The following CCDC171 variants were observed in gnomAD, a reference collection of about 807,000 sequenced individuals.
CCDC171 encodes the protein coiled-coil domain containing 171.
In CCDC171, 177 loss-of-function variants were observed where a neutral mutation model predicts 168.2. The ratio of observed to expected loss-of-function variants is 1.05; its 90% CI spans 0.93 to 1.19. The LOEUF is 1.19. Ranked by LOEUF, CCDC171 falls within the 50% of genes most tolerant of loss-of-function variation. The probability of loss-of-function intolerance (pLI) is 0.00; values close to 1 mark genes in which losing one functional copy is unlikely to be tolerated. For missense variants in CCDC171, 1,991 were observed against 1,539.0 expected (o/e 1.29, Z -4.91); for synonymous variants, 687 against 540.8 (o/e 1.27, Z -3.75).
chr9:15,811,503 G>A (rs990202081), intron 21 of CCDC171, among the ~76,000 whole-genome samples: 3 of 152,112 alleles, frequency 2.0e-5, no homozygotes, highest in Non-Finnish European at 4.4e-5. Context: ...AGACCTCTGA[G>A]ACTGTTGTGT....
chr9:16,051,471 G>C (rs892482436), intron 1 of CCDC171, among the ~76,000 whole-genome samples: 2 of 152,168 alleles, frequency 1.3e-5, no homozygotes, highest in African/African-American at 2.4e-5. Context: ...TGTTTTTAGA[G>C]AGCTGTCTCT....
At chr9:15,676,532 C>T (rs150530872) in intron 9 of CCDC171, among the ~76,000 whole-genome samples, 3 of 152,048 alleles carry the variant, frequency 2.0e-5, no homozygotes, top group African/African-American at 4.8e-5. Flanking sequence ...TGGAAGCGCT[C>T]GAGCTGGACA....
chr9:15,584,042 T>C (rs931247667), intron 4 of CCDC171, among the ~76,000 whole-genome samples: 2 of 152,122 alleles, frequency 1.3e-5, no homozygotes, highest in African/African-American at 4.8e-5. Flanking sequence ...AATTTTCTTG[T>C]ATTTTTAGTA....
chr9:16,003,060 G>A (rs929679770), intron 3 of CCDC171, among the ~76,000 whole-genome samples: 1 of 152,118 alleles, frequency 6.6e-6, no homozygotes, highest in Non-Finnish European at 1.5e-5. Flanking sequence ...ACTCTATAAT[G>A]TTCATACTGC....
intron 13 of CCDC171, among the ~76,000 whole-genome samples, chr9:15,724,430 A>G (rs2053671601): frequency 6.6e-6 from 1 of 152,188 alleles, no homozygotes; most frequent in South Asian, 2.1e-4. Flanking sequence ...CTTATGTTAA[A>G]TGTAAGATAT....
At chr9:15,716,762 G>A (rs1434384784) in intron 11 of CCDC171, among the ~76,000 whole-genome samples, 2 of 152,140 alleles carry the variant, frequency 1.3e-5, no homozygotes, top group African/African-American at 4.8e-5. Context: ...CTACTTCTAA[G>A]ATAATAAACC....
intron 21 of CCDC171, among the ~76,000 whole-genome samples, chr9:15,792,681 A>G (rs1050356938): frequency 1.3e-5 from 2 of 152,272 alleles, no homozygotes; most frequent in Admixed American, 1.3e-4. Context: ...ACATTCTTAA[A>G]GAAAATAATT....
At chr9:16,048,301 C>A (rs1322380152) in intron 1 of CCDC171, among the ~76,000 whole-genome samples, 1 of 152,164 alleles carries the variant, frequency 6.6e-6, no homozygotes, top group East Asian at 1.9e-4. Context: ...CTCTGCATGG[C>A]AGTAGGGCTG....
At chr9:16,045,301 G>T (rs936078434) in intron 1 of CCDC171, among the ~76,000 whole-genome samples, 1 of 152,156 alleles carries the variant, frequency 6.6e-6, no homozygotes, top group African/African-American at 2.4e-5. Flanking sequence ...CCTCGTCAAG[G>T]TGGTGGCCAC....
At chr9:15,666,014 T>C (rs954102644) in intron 8 of CCDC171, 149 bp from the exon 9 acceptor site, 3 of 627,594 alleles carry the variant, frequency 4.8e-6, no homozygotes, top group Non-Finnish European at 5.4e-6. Flanking sequence ...ATAAACTGTC[T>C]TTTATTTATT....
At chr9:15,657,660 A>G (rs1387101899) in intron 8 of CCDC171, among the ~76,000 whole-genome samples, 1 of 152,224 alleles carries the variant, frequency 6.6e-6, no homozygotes, top group Non-Finnish European at 1.5e-5. Context: ...CTGAAGGTGT[A>G]AAGATGAATG....
chr9:15,643,169 T>C (rs1409720517), intron 7 of CCDC171, among the ~76,000 whole-genome samples: 1 of 152,130 alleles, frequency 6.6e-6, no homozygotes, highest in Middle Eastern at 3.2e-3. Flanking sequence ...TTTGCTAGCT[T>C]TTAAAATCAT....
At chr9:15,959,012 C>T (rs1003812978) in intron 25 of CCDC171, among the ~76,000 whole-genome samples, 1 of 152,168 alleles carries the variant, frequency 6.6e-6, no homozygotes, top group Non-Finnish European at 1.5e-5. Context: ...GCCTTCTTCA[C>T]TCTCTGTGAG....
chr9:15,567,423 T>A (rs1197452775), intron 2 of CCDC171, among the ~76,000 whole-genome samples: 1 of 152,224 alleles, frequency 6.6e-6, no homozygotes, highest in Non-Finnish European at 1.5e-5. Flanking sequence ...CTATTTTGAA[T>A]TCTTTGTCTT....
At chr9:15,563,862 C>T (rs971742559) in intron 1 of CCDC171, 116 bp from the exon 2 acceptor site, 3 of 481,536 alleles carry the variant, frequency 6.2e-6, no homozygotes, top group Non-Finnish European at 7.4e-6. Context: ...TATCTCTATA[C>T]ACCTACAATT....
chr9:15,948,737 A>C (rs1207130865), intron 25 of CCDC171, among the ~76,000 whole-genome samples: 1 of 139,714 alleles, frequency 7.2e-6, no homozygotes, highest in Admixed American at 7.6e-5. Flanking sequence ...TTGTCAGATG[A>C]GTAGGTTGCG....
the CCDC171 span, among the ~76,000 whole-genome samples, chr9:16,092,880 G>A: frequency 1.3e-5 from 2 of 152,216 alleles, no homozygotes; most frequent in South Asian, 4.1e-4. Flanking sequence ...GGCCAGCTGG[G>A]TAGCAGAGCC....
intron 25 of CCDC171, among the ~76,000 whole-genome samples, chr9:15,945,881 T>A (rs1463352397): frequency 6.6e-6 from 1 of 150,814 alleles, no homozygotes; most frequent in Non-Finnish European, 1.5e-5. Context: ...GCTCTTTAGT[T>A]TAATTAGATC....
chr9:15,754,360 A>G (rs1408907176), intron 18 of CCDC171, among the ~76,000 whole-genome samples: 1 of 152,124 alleles, frequency 6.6e-6, no homozygotes, highest in Non-Finnish European at 1.5e-5. Flanking sequence ...TTGCCTATAA[A>G]TGAAGATATT....
Sources: gnomAD v4.1 joint callset for allele counts (sites outside exome capture counted in the v4.1 genomes callset) on GRCh38, gnomAD v4.1.1 for gene constraint, MANE v1.5 for transcripts, NCBI Gene and HGNC (gene_info 2026-07-23, HGNC 2026-07-21) for gene names.